Variants in RGSL1 observed in about 807,000 individuals in gnomAD.
RGSL1 encodes the protein regulator of G protein signaling like 1.
Under a neutral mutation model 124.7 loss-of-function variants are expected in RGSL1, and 97 were observed. That is an observed-to-expected ratio of 0.78 (90% CI 0.66 to 0.92). The LOEUF (loss-of-function observed/expected upper bound fraction) is 0.92, where lower values mean the gene tolerates loss of function less well. RGSL1 is among the 40% of genes least tolerant of loss of function. RGSL1 has a pLI of 0.00. For missense variants in RGSL1, 1,233 were observed against 1,288.4 expected (o/e 0.96, Z 0.66); for synonymous variants, 424 against 438.1 (o/e 0.97, Z 0.40).
chr1:182,524,824 T>C (rs1010912730), intron 10 of RGSL1, among the ~76,000 whole-genome samples: 5 of 152,132 alleles, frequency 3.3e-5, no homozygotes, highest in Non-Finnish European at 5.9e-5. Context: ...GCAGTGATAC[T>C]AGTTGAGCAA....
At chr1:182,450,408 A>G in intron 1 of RGSL1, 3 of 579,456 alleles carry the variant, frequency 5.2e-6, no homozygotes, top group Non-Finnish European at 9.3e-6. Flanking sequence ...AACTAAGGCA[A>G]GAGGGAGGAA....
intron 9 of RGSL1, among the ~76,000 whole-genome samples, chr1:182,494,042 T>C (rs912566575): frequency 2.0e-5 from 3 of 152,172 alleles, no homozygotes; most frequent in African/African-American, 7.2e-5. Context: ...ATTCCTCTCA[T>C]GCTCAGCTAG....
chr1:182,461,440 A>G (rs570391158), intron 4 of RGSL1, among the ~76,000 whole-genome samples: 3 of 152,224 alleles, frequency 2.0e-5, no homozygotes, highest in African/African-American at 7.2e-5. Flanking sequence ...TTCAGTTTTT[A>G]ACAAAAAAAA....
chr1:182,553,644 C>A, intron 19 of RGSL1, 103 bp downstream of exon 19: 2 of 930,516 alleles, frequency 2.1e-6, no homozygotes, highest in Non-Finnish European at 3.3e-6. Context: ...GAGACTGAGA[C>A]CCCCAAAATG....
intron 15 of RGSL1, among the ~76,000 whole-genome samples, chr1:182,540,812 T>C (rs898189346): frequency 6.6e-6 from 1 of 152,212 alleles, no homozygotes; most frequent in African/African-American, 2.4e-5. Context: ...AACAGATATT[T>C]TTAAGTTAAG....
At chr1:182,484,768 G>T (rs1258760995) in intron 6 of RGSL1, among the ~76,000 whole-genome samples, 2 of 151,608 alleles carry the variant, frequency 1.3e-5, no homozygotes, top group African/African-American at 2.4e-5. Flanking sequence ...TTAATGTTCA[G>T]CCTGAAGGGG....
chr1:182,459,431 G>C (rs1652625284), intron 3 of RGSL1, among the ~76,000 whole-genome samples: 1 of 152,082 alleles, frequency 6.6e-6, no homozygotes, highest in Admixed American at 6.5e-5. Flanking sequence ...GAGTTGAGAA[G>C]AGACATTCTA....
At chr1:182,520,976 T>C (rs1167669794) in intron 9 of RGSL1, among the ~76,000 whole-genome samples, 3 of 152,224 alleles carry the variant, frequency 2.0e-5, no homozygotes, top group Admixed American at 6.5e-5. Context: ...GTTCATAGTC[T>C]ATGTTTTCTT....
At chr1:182,517,948 C>T (rs2444555) in intron 9 of RGSL1, among the ~76,000 whole-genome samples, 131,612 of 152,244 alleles carry the variant, frequency 0.86, 57,208 homozygotes, top group Non-Finnish European at 0.89. Flanking sequence ...TGTGGGTCTA[C>T]GTATGTGTCT....
At chr1:182,459,415 T>A (rs1652623191) in intron 3 of RGSL1, among the ~76,000 whole-genome samples, 1 of 152,118 alleles carries the variant, frequency 6.6e-6, no homozygotes. Flanking sequence ...TTCCCTGAGT[T>A]CTGGAGAGTT....
At position 182,511,800 on chromosome 1, in the gene RGSL1, T is replaced by C. The variant is rs558563137; in HGVS notation, c.1826-10204T>C. Among the ~76,000 whole-genome samples, 4 of 152,356 alleles carry C rather than the reference T, an allele frequency of 2.6e-5. No homozygotes were observed. In the East Asian group the frequency reaches 5.8e-4, roughly 22 times the overall value. ...CTGAAGAATGTCATTGGTGTTTCGA[T>C]AGGATGAATCTATAAATTACTCTGG... On this transcript the variant is annotated intron_variant, in intron 9 of 21. Transcript: ENST00000294854.
intron 9 of RGSL1, among the ~76,000 whole-genome samples, chr1:182,498,098 T>TG (rs1026358996): frequency 1.3e-5 from 2 of 152,280 alleles, no homozygotes; most frequent in East Asian, 1.9e-4. Context: ...ATAAGTATTG[T>TG]GGGGGGTGTA....
At chr1:182,532,639 T>C (rs1659255576) in intron 13 of RGSL1, 23 bp from the exon 14 acceptor site, 1 of 1,548,832 alleles carries the variant, frequency 6.5e-7, no homozygotes, top group Non-Finnish European at 8.7e-7. Context: ...ATGAACATGT[T>C]ATACTCCTCT....
At chr1:182,551,614 A>G (rs992379399) in intron 18 of RGSL1, among the ~76,000 whole-genome samples, 1 of 152,252 alleles carries the variant, frequency 6.6e-6, no homozygotes, top group Non-Finnish European at 1.5e-5. Context: ...TTTTAATGTG[A>G]TAAATGTGTT....
At chr1:182,452,611 C>T (rs562217348) in intron 1 of RGSL1, among the ~76,000 whole-genome samples, 5 of 152,096 alleles carry the variant, frequency 3.3e-5, no homozygotes, top group African/African-American at 1.2e-4. Context: ...CGCCACTATG[C>T]CTGGCTAATT....
chr1:182,520,449 C>T (rs1362872755), intron 9 of RGSL1, among the ~76,000 whole-genome samples: 1 of 152,124 alleles, frequency 6.6e-6, no homozygotes, highest in Non-Finnish European at 1.5e-5. Flanking sequence ...CAATGTTTTG[C>T]CCATTTTCTA....
intron 14 of RGSL1, 22 bp downstream of exon 14, chr1:182,532,813 C>T (rs1286449398): frequency 1.3e-6 from 2 of 1,543,454 alleles, no homozygotes; most frequent in East Asian, 2.5e-5. Context: ...CTGTATTTAC[C>T]CCCACTCCCT....
intron 4 of RGSL1, among the ~76,000 whole-genome samples, chr1:182,465,681 A>G (rs2102013349): frequency 6.6e-6 from 1 of 152,254 alleles, no homozygotes; most frequent in East Asian, 1.9e-4. Flanking sequence ...CAATCTCCTG[A>G]CAAAGAAAAG....
At chr1:182,472,092 G>A (rs1236247520) in intron 4 of RGSL1, among the ~76,000 whole-genome samples, 19 of 151,784 alleles carry the variant, frequency 1.3e-4, no homozygotes, top group Admixed American at 1.2e-3. Context: ...ATTTTTTTTG[G>A]ACAAAATTTA....
Sources: gnomAD v4.1 joint callset for allele counts (sites outside exome capture counted in the v4.1 genomes callset) on GRCh38, gnomAD v4.1.1 for gene constraint, MANE v1.5 for transcripts, NCBI Gene and HGNC (gene_info 2026-07-23, HGNC 2026-07-21) for gene names.